Variants in PRELID2 observed in about 807,000 individuals in gnomAD.
The protein encoded by PRELID2 is PRELI domain containing 2, also known as PRELI domain-containing protein 2.
A neutral mutation model predicts 28.4 loss-of-function variants in PRELID2; 25 were observed. The observed-to-expected ratio is 0.88, with a 90% confidence interval of 0.64 to 1.23. The LOEUF (loss-of-function observed/expected upper bound fraction) is 1.23. Among genes scored for constraint, PRELID2 ranks in the 50% most tolerant of loss-of-function variants. The probability of loss-of-function intolerance (pLI) is 0.00; values close to 1 mark genes in which losing one functional copy is unlikely to be tolerated. For missense variants in PRELID2, 201 were observed against 214.4 expected (o/e 0.94, Z 0.39); for synonymous variants, 76 against 71.6 (o/e 1.06, Z -0.31).
At chr5:145,229,646 G>A in the PRELID2 span, 1 of 894,624 alleles carries the variant, frequency 1.1e-6, no homozygotes, top group South Asian at 1.3e-5. Context: ...ACCAGACAAA[G>A]GCCCAAGGTA....
the PRELID2 span, among the ~76,000 whole-genome samples, chr5:145,456,489 A>G: frequency 6.6e-6 from 1 of 152,174 alleles, no homozygotes; most frequent in South Asian, 2.1e-4. Context: ...GTCCTTAGAG[A>G]GGCTTCCCCT....
the PRELID2 span, among the ~76,000 whole-genome samples, chr5:145,409,609 CA>C: frequency 6.6e-6 from 1 of 151,792 alleles, no homozygotes; most frequent in Non-Finnish European, 1.5e-5. Context: ...AAAGCAATAA[CA>C]GTTAAAAAAA....
At chr5:145,676,828 C>T (rs1401075325) in intron 1 of PRELID2, among the ~76,000 whole-genome samples, 1 of 152,048 alleles carries the variant, frequency 6.6e-6, no homozygotes, top group East Asian at 1.9e-4. Flanking sequence ...TTTAATAACA[C>T]CACAGGAATA....
At chr5:145,808,943 T>G (rs1409356347) in intron 4 of PRELID2, among the ~76,000 whole-genome samples, 1 of 152,026 alleles carries the variant, frequency 6.6e-6, no homozygotes, top group Non-Finnish European at 1.5e-5. Context: ...TAATCTGTGT[T>G]TAAGTTTGAT....
chr5:145,821,056 C>T (rs1754748729), intron 2 of PRELID2, among the ~76,000 whole-genome samples: 1 of 152,010 alleles, frequency 6.6e-6, no homozygotes, highest in East Asian at 1.9e-4. Flanking sequence ...CTATTAGAAG[C>T]GTGCCTTTGC....
chr5:145,613,906 A>G (rs1753658673), intron 1 of PRELID2, among the ~76,000 whole-genome samples: 1 of 152,140 alleles, frequency 6.6e-6, no homozygotes. Flanking sequence ...GCCAATGTCT[A>G]GAAGGGTTTT....
chr5:145,397,810 A>G, the PRELID2 span, among the ~76,000 whole-genome samples: 1 of 152,312 alleles, frequency 6.6e-6, no homozygotes, highest in African/African-American at 2.4e-5. Flanking sequence ...CAGAGAAGCG[A>G]AAACTGAGTT....
chr5:145,487,480 T>C (rs999407391), intron 1 of PRELID2, among the ~76,000 whole-genome samples: 1 of 152,176 alleles, frequency 6.6e-6, no homozygotes, highest in Non-Finnish European at 1.5e-5. Context: ...CTTCCTCCAA[T>C]AAAATCAGCA....
the PRELID2 span, among the ~76,000 whole-genome samples, chr5:145,286,696 G>GTTTTTTTT: frequency 6.8e-5 from 8 of 116,988 alleles, no homozygotes; most frequent in African/African-American, 3.2e-4. Context: ...CAACATAGAA[G>GTTTTTTTT]TTTTTGTTTT....
At chr5:145,420,409 G>C in the PRELID2 span, among the ~76,000 whole-genome samples, 5 of 151,000 alleles carry the variant, frequency 3.3e-5, no homozygotes, top group African/African-American at 1.2e-4. Context: ...TTATTTCCTG[G>C]AGCAGTGGTT....
intron 1 of PRELID2, among the ~76,000 whole-genome samples, chr5:145,519,768 T>C (rs1752547411): frequency 6.6e-6 from 1 of 152,190 alleles, no homozygotes; most frequent in South Asian, 2.1e-4. Context: ...ACCATTAAAA[T>C]TAATTGAAAG....
the PRELID2 span, among the ~76,000 whole-genome samples, chr5:145,388,377 C>T: frequency 1.4e-4 from 21 of 152,180 alleles, no homozygotes; most frequent in Non-Finnish European, 2.5e-4. Flanking sequence ...AACACTGTAT[C>T]TAACACAACT....
At chr5:145,790,721 G>GTGTGTGTGTGTGTGTGTA (rs772901344) in intron 5 of PRELID2, among the ~76,000 whole-genome samples, 2 of 110,906 alleles carry the variant, frequency 1.8e-5, no homozygotes, top group Non-Finnish European at 3.8e-5. Flanking sequence ...GTGTGTGTGT[G>GTGTGTGTGTGTGTGTGTA]TATATATATA....
chr5:145,690,707 G>A (rs937241199), intron 1 of PRELID2, among the ~76,000 whole-genome samples: 10 of 152,160 alleles, frequency 6.6e-5, no homozygotes, highest in Admixed American at 1.3e-4. Flanking sequence ...GCCACGTGAA[G>A]TGAGATTTTC....
chr5:145,454,027 G>A, the PRELID2 span, among the ~76,000 whole-genome samples: 2 of 151,996 alleles, frequency 1.3e-5, no homozygotes, highest in African/African-American at 4.8e-5. Flanking sequence ...CTAGATCCTT[G>A]AGGAATCACC....
At chr5:145,797,666 A>T (rs1752856403) in intron 4 of PRELID2, among the ~76,000 whole-genome samples, 1 of 152,106 alleles carries the variant, frequency 6.6e-6, no homozygotes, top group South Asian at 2.1e-4. Flanking sequence ...TCCAGAGAAG[A>T]TGCATCCCTC....
intron 1 of PRELID2, among the ~76,000 whole-genome samples, chr5:145,685,118 T>C (rs1020261417): frequency 6.6e-6 from 1 of 152,200 alleles, no homozygotes; most frequent in African/African-American, 2.4e-5. Context: ...ATTGAGAGAA[T>C]CAGTTAGTCT....
At chr5:145,277,402 C>T in the PRELID2 span, among the ~76,000 whole-genome samples, 3 of 152,072 alleles carry the variant, frequency 2.0e-5, no homozygotes, top group Non-Finnish European at 2.9e-5. Flanking sequence ...TAGAGTGTTG[C>T]TCCCATTCAT....
Position 145,726,242 on chromosome 5 carries a change from A to AGGGAGGGAG in PRELID2, n.70+38680_70+38688dup, listed in dbSNP as rs1554086562. 8.7e-4 allele frequency among the ~76,000 whole-genome samples: 88 copies of AGGGAGGGAG among 101,308 alleles called. 3 individuals are homozygous for AGGGAGGGAG. Among genetic ancestry groups the AGGGAGGGAG allele is most frequent in the African/African-American group, 3.1e-3 (78 of 25,570 alleles). The allele number at this position is 101,308 out of a possible 152,430, so 66.5% of individuals were successfully genotyped here. On this transcript the variant is annotated intron_variant and non_coding_transcript_variant, in intron 1 of 2. Coordinates refer to the PRELID2 transcript ENST00000510259. ...AAAGGAAGGAAGGAAGGAAGGAGGG[A>AGGGAGGGAG]GGGAGGGAGGGAGGGACGGAGGGGG...
Sources: allele counts gnomAD v4.1 joint callset (sites outside exome capture counted in the v4.1 genomes callset), GRCh38; gene constraint gnomAD v4.1.1; transcripts MANE v1.5; gene names NCBI Gene and HGNC (gene_info 2026-07-23, HGNC 2026-07-21).